Variants in LINC00305 observed in about 807,000 individuals in gnomAD.
LINC00305 encodes the protein long independently transcribed non-coding RNA 305.
At chr18:64,112,425 A>G (rs1226707103) in intron 1 of LINC00305, among the ~76,000 whole-genome samples, 1 of 152,164 alleles carries the variant, frequency 6.6e-6, no homozygotes, top group African/African-American at 2.4e-5. Flanking sequence ...ATTTACCAGG[A>G]AAATATTCAT....
chr18:64,089,844 A>T (rs1198240890), intron 3 of LINC00305, among the ~76,000 whole-genome samples: 6 of 152,162 alleles, frequency 3.9e-5, no homozygotes, highest in Non-Finnish European at 7.4e-5. Flanking sequence ...ATCAGATCTC[A>T]TGAGACTTAT....
chr18:64,137,851 C>T (rs999236389), intron 1 of LINC00305, among the ~76,000 whole-genome samples: 22 of 151,720 alleles, frequency 1.5e-4, no homozygotes, highest in Non-Finnish European at 2.8e-4. Context: ...CACACATACA[C>T]ACACACACAC....
At chr18:64,138,389 A>G (rs1298123713) in intron 1 of LINC00305, among the ~76,000 whole-genome samples, 2 of 152,252 alleles carry the variant, frequency 1.3e-5, no homozygotes, top group African/African-American at 4.8e-5. Context: ...AAAGTTGATG[A>G]TAAATCCTGA....
chr18:64,084,018 G>A (rs1431185927), intron 3 of LINC00305, among the ~76,000 whole-genome samples: 1 of 152,150 alleles, frequency 6.6e-6, no homozygotes, highest in Non-Finnish European at 1.5e-5. Flanking sequence ...CAGAGTCCCT[G>A]AAGCTCCATG....
At position 64,116,586 on chromosome 18, in the gene LINC00305, G is replaced by A. The variant is rs1056674346; in HGVS notation, n.315-17946C>T. On this transcript the variant is annotated intron_variant and non_coding_transcript_variant, in intron 1 of 3. Coordinates refer to ENST00000666468, the Ensembl canonical transcript of LINC00305. ...GTTTCTTTTCTTTTCCTTTTTTTCC[G>A]GCTTTATTTTGGTGTAATTGACAAA... 3.3e-5 allele frequency among the ~76,000 whole-genome samples: 5 copies of A among 150,808 alleles called. 1 individual carries two copies. Among genetic ancestry groups the A allele is most frequent in the South Asian group, 4.2e-4 (2 of 4,720 alleles).
chr18:64,147,703 G>A (rs964562437), intron 1 of LINC00305, among the ~76,000 whole-genome samples: 1 of 152,120 alleles, frequency 6.6e-6, no homozygotes, highest in South Asian at 2.1e-4. Context: ...CTCCCACATT[G>A]CACTGGGATG....
chr18:64,103,268 T>C (rs1201960027), intron 1 of LINC00305, among the ~76,000 whole-genome samples: 1 of 152,222 alleles, frequency 6.6e-6, no homozygotes, highest in Non-Finnish European at 1.5e-5. Context: ...CTTTCTCAAA[T>C]AGTAGTCTCT....
At chr18:64,106,848 A>G (rs1299363628) in intron 1 of LINC00305, among the ~76,000 whole-genome samples, 1 of 152,216 alleles carries the variant, frequency 6.6e-6, no homozygotes, top group East Asian at 1.9e-4. Flanking sequence ...ATTGTGGCTC[A>G]GGTGGCAAAC....
chr18:64,082,749 A>T (rs535028846), intron 3 of LINC00305, among the ~76,000 whole-genome samples: 8 of 152,174 alleles, frequency 5.3e-5, no homozygotes, highest in Non-Finnish European at 5.9e-5. Context: ...TAGTTTCTCA[A>T]CACAGTTTTA....
intron 1 of LINC00305, among the ~76,000 whole-genome samples, chr18:64,144,376 G>A (rs2051486623): frequency 6.6e-6 from 1 of 152,116 alleles, no homozygotes; most frequent in African/African-American, 2.4e-5. Flanking sequence ...TTAAGATGAT[G>A]GAATTAAGGA....
At chr18:64,134,907 C>T (rs900439060) in intron 1 of LINC00305, among the ~76,000 whole-genome samples, 40 of 152,214 alleles carry the variant, frequency 2.6e-4, no homozygotes, top group African/African-American at 9.6e-4. Flanking sequence ...TGTTTCCTTA[C>T]TTGTCATGAA....
exon 4 of LINC00305, chr18:64,080,338 G>T (rs1482148517): frequency 2.2e-6 from 1 of 457,630 alleles, no homozygotes; most frequent in Non-Finnish European, 4.4e-6. Context: ...TGACAACCAT[G>T]TGGCTTTCTT....
chr18:64,146,962 T>A (rs1375776941), intron 1 of LINC00305, among the ~76,000 whole-genome samples: 2 of 152,196 alleles, frequency 1.3e-5, no homozygotes, highest in Non-Finnish European at 2.9e-5. Flanking sequence ...TGTATGTTTT[T>A]CAGAATGTTT....
chr18:64,131,915 G>C (rs1324015889), intron 1 of LINC00305, among the ~76,000 whole-genome samples: 1 of 152,114 alleles, frequency 6.6e-6, no homozygotes, highest in African/African-American at 2.4e-5. Context: ...AAATAAACAT[G>C]GAAGAAGTAA....
At chr18:64,110,676 T>C (rs1049528898) in intron 1 of LINC00305, among the ~76,000 whole-genome samples, 1 of 152,186 alleles carries the variant, frequency 6.6e-6, no homozygotes, top group African/African-American at 2.4e-5. Context: ...TGTGTCCATA[T>C]TTTAGATAAT....
At chr18:64,099,387 AG>A (rs967521812) in intron 1 of LINC00305, among the ~76,000 whole-genome samples, 6 of 152,168 alleles carry the variant, frequency 3.9e-5, no homozygotes, top group African/African-American at 1.4e-4. Context: ...ATAGCCTCAT[AG>A]GGGAATCAGA....
intron 1 of LINC00305, among the ~76,000 whole-genome samples, chr18:64,103,551 G>A (rs2051276493): frequency 6.6e-6 from 1 of 152,104 alleles, no homozygotes; most frequent in Admixed American, 6.5e-5. Flanking sequence ...CAAGGGCTTT[G>A]TTTCTTTCAT....
exon 1 of LINC00305, chr18:64,148,914 G>C (rs2051511723): frequency 6.6e-6 from 1 of 152,184 alleles, no homozygotes; most frequent in Non-Finnish European, 1.5e-5. Context: ...TGAGTCACTG[G>C]CCAATCTGAG....
At chr18:64,144,552 A>G (rs2051487691) in intron 1 of LINC00305, among the ~76,000 whole-genome samples, 1 of 152,004 alleles carries the variant, frequency 6.6e-6, no homozygotes. Flanking sequence ...TTTGTTGCCC[A>G]GGCTGGAGTG....
Sources: gnomAD v4.1 joint callset for allele counts (sites outside exome capture counted in the v4.1 genomes callset) on GRCh38, gnomAD v4.1.1 for gene constraint, MANE v1.5 for transcripts, NCBI Gene and HGNC (gene_info 2026-07-23, HGNC 2026-07-21) for gene names.